DGKH: variants seen among roughly 807,000 people sequenced by gnomAD.
DGKH encodes the protein diacylglycerol kinase eta.
Under a neutral mutation model 159.3 loss-of-function variants are expected in DGKH, and 90 were observed. The ratio of observed to expected loss-of-function variants is 0.57; its 90% CI spans 0.48 to 0.67. The LOEUF (loss-of-function observed/expected upper bound fraction) is 0.67. Among genes scored for constraint, DGKH ranks in the 30% least tolerant of loss-of-function variants. The probability of loss-of-function intolerance (pLI) is 0.00; values close to 1 mark genes in which losing one functional copy is unlikely to be tolerated. For synonymous variants in DGKH, 536 were observed against 553.8 expected (o/e 0.97, Z 0.45); for missense variants, 1,181 against 1,506.1 (o/e 0.78, Z 3.57).
intron 1 of DGKH, among the ~76,000 whole-genome samples, chr13:42,052,730 A>C (rs1291314975): frequency 1.3e-5 from 2 of 152,228 alleles, no homozygotes; most frequent in African/African-American, 2.4e-5. Flanking sequence ...GAATACTGCA[A>C]CCTTTCATTT....
intron 1 of DGKH, chr13:42,069,299 C>G: frequency 2.7e-6 from 3 of 1,105,420 alleles, no homozygotes; most frequent in Non-Finnish European, 4.0e-6. Context: ...CCCCATCACT[C>G]ACAAACTGGC....
At chr13:42,167,440 G>A (rs769351405) in intron 9 of DGKH, among the ~76,000 whole-genome samples, 5 of 152,148 alleles carry the variant, frequency 3.3e-5, no homozygotes, top group Non-Finnish European at 5.9e-5. Flanking sequence ...TTTGTGTTTC[G>A]TAATGTGATA....
Position 42,229,183 on chromosome 13 carries a change from G to A in DGKH, c.3658G>A (p.Val1220Met), listed in dbSNP as rs202158354. ...ELGRSTPQSE[V>M] ...TGGAAGGAGCACTCCACAGTCGGAGGTGTAATCATATTGGTGCTATTTCTT... is the reference window on the plus strand; with the variant it reads ...TGGAAGGAGCACTCCACAGTCGGAGATGTAATCATATTGGTGCTATTTCTT... Residue 1220 changes from valine to methionine, a missense_variant, in exon 30 of 30, where the codon GTG becomes ATG. By Grantham distance (21) the Val-to-Met change is conservative. Around this residue, in one of 5 missense-constraint regions of DGKH, gnomAD observed 84 missense variants for 77.9 expected, o/e 1.08. Coordinates refer to ENST00000337343, the MANE Select transcript of DGKH (RefSeq NM_178009.5). 2.1e-5 allele frequency: 33 copies of A among 1,608,366 alleles called. No individual in the cohort carries two copies. Among genetic ancestry groups the A allele is most frequent in the Non-Finnish European group, 3.4e-6 (4 of 1,178,540 alleles).
chr13:42,061,191 A>G (rs1465319369), intron 1 of DGKH, among the ~76,000 whole-genome samples: 1 of 152,146 alleles, frequency 6.6e-6, no homozygotes, highest in African/African-American at 2.4e-5. Context: ...TTTATATAGC[A>G]TGTGTGGAAG....
chr13:42,186,810 C>T (rs1024379173), intron 13 of DGKH, among the ~76,000 whole-genome samples: 1 of 152,150 alleles, frequency 6.6e-6, no homozygotes, highest in African/African-American at 2.4e-5. Flanking sequence ...CTTCTTATAA[C>T]ATTAATTACT....
At chr13:42,064,821 G>A (rs1054778574) in intron 1 of DGKH, among the ~76,000 whole-genome samples, 2 of 151,896 alleles carry the variant, frequency 1.3e-5, no homozygotes, top group Non-Finnish European at 2.9e-5. Flanking sequence ...TACAAAGACC[G>A]TTTTACTTAG....
At chr13:42,131,669 T>C (rs1955293520) in intron 3 of DGKH, among the ~76,000 whole-genome samples, 1 of 152,200 alleles carries the variant, frequency 6.6e-6, no homozygotes, top group Admixed American at 6.5e-5. Flanking sequence ...AGTTTAGTAA[T>C]GTTGTTACTC....
Position 42,235,643 on chromosome 13 carries a change from A to C in DGKH, c.*6455A>C, listed in dbSNP as rs1387229159. 1 of 152,164 alleles carries C rather than the reference A, an allele frequency of 6.6e-6. No homozygotes were observed. Among genetic ancestry groups the C allele is most frequent in the Non-Finnish European group, 1.5e-5 (1 of 67,996 alleles). The allele number at this position is 152,164 out of a possible 1,614,324, so 9.4% of individuals were successfully genotyped here. ...TATACCAAGTATTAAGCTGATATGTAGCTAAATATTTCTTACAGTTCTGGT... is the reference window on the plus strand; with the variant it reads ...TATACCAAGTATTAAGCTGATATGTCGCTAAATATTTCTTACAGTTCTGGT... On this transcript the variant is annotated 3_prime_UTR_variant, in exon 30 of 30. Coordinates refer to ENST00000337343, the MANE Select transcript of DGKH (RefSeq NM_178009.5).
At chr13:42,227,283 G>A (rs544269502) in intron 29 of DGKH, among the ~76,000 whole-genome samples, 9 of 152,208 alleles carry the variant, frequency 5.9e-5, no homozygotes, top group Admixed American at 1.3e-4. Flanking sequence ...TTAAAAAAAA[G>A]TATAGCTAAG....
chr13:42,222,823 C>G (rs347388), intron 29 of DGKH, among the ~76,000 whole-genome samples: 1 of 151,952 alleles, frequency 6.6e-6, no homozygotes, highest in Non-Finnish European at 1.5e-5. Flanking sequence ...TATATGTGTA[C>G]GTGTTATATA....
At chr13:42,055,465 A>C (rs1479424402) in intron 1 of DGKH, among the ~76,000 whole-genome samples, 1 of 152,202 alleles carries the variant, frequency 6.6e-6, no homozygotes, top group Non-Finnish European at 1.5e-5. Context: ...AAGAGACATA[A>C]TAAATAATTT....
intron 30 of DGKH, among the ~76,000 whole-genome samples, chr13:42,255,485 A>C (rs1291774906): frequency 6.6e-6 from 1 of 152,198 alleles, no homozygotes; most frequent in East Asian, 1.9e-4. Context: ...GAGATACAGA[A>C]ATAACAAGGT....
At chr13:42,061,172 G>C (rs111409953) in intron 1 of DGKH, among the ~76,000 whole-genome samples, 1 of 152,180 alleles carries the variant, frequency 6.6e-6, no homozygotes, top group South Asian at 2.1e-4. Context: ...GGTTCAATCA[G>C]GTATGATGTT....
At chr13:42,215,770 C>G (rs1439682142) in intron 26 of DGKH, 103 bp downstream of exon 26, 2 of 1,018,826 alleles carry the variant, frequency 2.0e-6, no homozygotes, top group Non-Finnish European at 2.9e-6. Flanking sequence ...GCAGAAGCAG[C>G]CTTCTGGCTT....
Position 42,219,278 on chromosome 13 carries a change from G to A in DGKH, c.3262G>A (p.Val1088Met), listed in dbSNP as rs1258573128. ...GCGAGTATCCAATGCCTTACACTCT[G>A]TGGAGGTGGAATTACAGAAACTGAC... ...EERVSNALHS[V>M]EVELQKLTEI... Residue 1088 changes from valine to methionine, a missense_variant, in exon 27 of 30, where the codon GTG (valine) becomes ATG (methionine). By Grantham distance (21) the Val-to-Met change is conservative. Transcript: ENST00000337343. 6.2e-7 allele frequency: 1 copy of A among 1,613,976 alleles called. No homozygotes were observed. The highest frequency in any genetic ancestry group is 1.7e-5 in the Admixed American group (1 of 60,024).
chr13:42,065,889 A>C (rs747237993), intron 1 of DGKH, among the ~76,000 whole-genome samples: 1 of 152,170 alleles, frequency 6.6e-6, no homozygotes, highest in Non-Finnish European at 1.5e-5. Flanking sequence ...TATGATATAT[A>C]AAACATTAAA....
intron 1 of DGKH, among the ~76,000 whole-genome samples, chr13:42,077,993 T>C (rs1000580879): frequency 1.2e-4 from 18 of 152,306 alleles, no homozygotes; most frequent in African/African-American, 3.9e-4. Flanking sequence ...AAGAAGATAA[T>C]AGTCTTTCAT....
chr13:42,247,474 G>A (rs542713532), downstream of DGKH, among the ~76,000 whole-genome samples: 11 of 151,914 alleles, frequency 7.2e-5, no homozygotes, highest in African/African-American at 2.2e-4. Context: ...CAAGCAATCC[G>A]CCTGCCTTGG....
At chr13:42,134,251 T>C (rs954246670) in intron 3 of DGKH, among the ~76,000 whole-genome samples, 1 of 152,204 alleles carries the variant, frequency 6.6e-6, no homozygotes, top group Non-Finnish European at 1.5e-5. Flanking sequence ...TCAATTGGTA[T>C]GAATGAGTCA....
Sources: gnomAD v4.1 joint callset for allele counts (sites outside exome capture counted in the v4.1 genomes callset) on GRCh38, gnomAD v4.1.1 for gene constraint, gnomAD v4.1.1 regional missense constraint, MANE v1.5 for transcripts, NCBI Gene and HGNC (gene_info 2026-07-23, HGNC 2026-07-21) for gene names.